Variants in DMRT3 observed in about 807,000 individuals in gnomAD.
DMRT3 encodes doublesex- and mab-3-related transcription factor 3.
A neutral mutation model predicts 34.9 loss-of-function variants in DMRT3; 29 were observed. The observed-to-expected ratio is 0.83, with a 90% CI of 0.62 to 1.13. The LOEUF (loss-of-function observed/expected upper bound fraction) is 1.13. Ranked by LOEUF, DMRT3 falls within the 50% of genes most tolerant of loss-of-function variation. DMRT3 has a pLI of 0.00. For missense variants in DMRT3, 772 were observed against 629.1 expected (o/e 1.23, Z -2.43); for synonymous variants, 350 against 286.0 (o/e 1.22, Z -2.26).
intron 1 of DMRT3, among the ~76,000 whole-genome samples, chr9:987,360 G>A (rs565256632): frequency 2.1e-4 from 32 of 151,768 alleles, no homozygotes; most frequent in African/African-American, 7.5e-4. Context: ...GTTCATCCAT[G>A]TTATAGCATG....
At position 990,251 on chromosome 9, in the gene DMRT3, A is replaced by C. The variant is rs1480874545; in HGVS notation, c.665A>C (p.Lys222Thr). Residue 222 changes from lysine to threonine, a missense_variant, in exon 2 of 2, where the codon AAG becomes ACG. Coordinates refer to ENST00000190165, the MANE Select transcript of DMRT3 (RefSeq NM_021240.4). ...GNPESRPDSP[K>T]CHAEQNHLLI... ...CCCGAGAGCCGCCCTGACAGCCCCAAGTGTCACGCGGAGCAGAATCACCTC... is the reference window on the plus strand; with the variant it reads ...CCCGAGAGCCGCCCTGACAGCCCCACGTGTCACGCGGAGCAGAATCACCTC... 1.2e-6 allele frequency: 2 copies of C among 1,613,940 alleles called. No homozygotes were observed. The highest frequency in any genetic ancestry group is 1.7e-5 in the Admixed American group (1 of 60,010).
intron 1 of DMRT3, among the ~76,000 whole-genome samples, chr9:983,063 C>A (rs565981454): frequency 6.6e-6 from 1 of 152,190 alleles, no homozygotes; most frequent in African/African-American, 2.4e-5. Flanking sequence ...GTGAGTCATC[C>A]TCTTGCCTGA....
intron 1 of DMRT3, among the ~76,000 whole-genome samples, chr9:980,552 C>CTA (rs1186628448): frequency 6.6e-6 from 1 of 151,728 alleles, no homozygotes; most frequent in Non-Finnish European, 1.5e-5. Context: ...CTATTAAAAG[C>CTA]TATATATATA....
chr9:976,903 C>T lies in DMRT3; in HGVS notation c.-99C>T. 7.7e-7 allele frequency: 1 copy of T among 1,299,238 alleles called. No homozygotes were observed. Among genetic ancestry groups the T allele is most frequent in the Non-Finnish European group, 9.9e-7 (1 of 1,009,152 alleles). The allele number at this position is 1,299,238 out of a possible 1,614,324, so 80.5% of individuals were successfully genotyped here. ...GGCTGCGGGACCAAGGGCCGCGTCG[C>T]CCGGAGGCCGCCCCTGAGCGGGCCT... On this transcript the variant is annotated 5_prime_UTR_variant, in exon 1 of 2. Coordinates refer to ENST00000190165, the MANE Select transcript of DMRT3 (RefSeq NM_021240.4). This position sits in a 1 kb window ranked among gnomAD's most constrained non-coding sequence, Gnocchi z 4.5.
chr9:987,359 T>C (rs1246417758), intron 1 of DMRT3, among the ~76,000 whole-genome samples: 7 of 152,170 alleles, frequency 4.6e-5, no homozygotes, highest in Non-Finnish European at 8.8e-5. Context: ...GGTTCATCCA[T>C]GTTATAGCAT....
At position 977,190 on chromosome 9, in the gene DMRT3, G is replaced by A. The variant is rs754119843; in HGVS notation, c.189G>A (p.Glu63=). 2.5e-6 allele frequency: 4 copies of A among 1,610,002 alleles called. No individual in the cohort carries two copies. Among genetic ancestry groups the A allele is most frequent in the East Asian group, 2.2e-5 (1 of 44,754 alleles). Residue 63 remains glutamate (E), a synonymous_variant, in exon 1 of 2, where the codon GAG becomes GAA. Coordinates refer to ENST00000190165, the MANE Select transcript of DMRT3 (RefSeq NM_021240.4). ...CTCEKCILII[E]RQRVMAAQVA... ...GCGAGAAGTGCATCCTCATCATCGAGCGGCAGCGGGTCATGGCTGCGCAGG... is the reference window on the plus strand; with the variant it reads ...GCGAGAAGTGCATCCTCATCATCGAACGGCAGCGGGTCATGGCTGCGCAGG...
chr9:981,304 A>T (rs1820217747), intron 1 of DMRT3, among the ~76,000 whole-genome samples: 1 of 151,828 alleles, frequency 6.6e-6, no homozygotes, highest in Non-Finnish European at 1.5e-5. Flanking sequence ...AAGCACCTGC[A>T]AGTGTAATGG....
rs2130051367 is a variant in DMRT3, at chr9:977,320, C to T, written c.319C>T (p.Pro107Ser). ...PPPPGDAVAA[P>S]QPPPASQPSQ... ...GCCGCCGGGGGACGCCGTCGCCGCC[C>T]CGCAGCCGCCGCCAGCCTCTCAGCC... is the stretch of plus-strand genomic sequence containing the variant. Residue 107 changes from proline to serine, a missense_variant, in exon 1 of 2, where the codon CCG becomes TCG. Physicochemically the swap from Pro to Ser is moderately conservative, Grantham distance 74. Coordinates refer to ENST00000190165, the MANE Select transcript of DMRT3 (RefSeq NM_021240.4). 2 of 1,308,598 alleles carry T rather than the reference C, an allele frequency of 1.5e-6. No individual in the cohort carries two copies. The highest frequency in any genetic ancestry group is 4.5e-5 in the South Asian group (2 of 44,658). 81.1% of individuals were successfully genotyped at this position (1,308,598 alleles called of 1,614,324 possible).
chr9:984,402 A>C (rs184594855), intron 1 of DMRT3, among the ~76,000 whole-genome samples: 3 of 151,914 alleles, frequency 2.0e-5, no homozygotes, highest in African/African-American at 4.8e-5. Flanking sequence ...GTTTTCGTAG[A>C]TATAATTGGA....
intron 1 of DMRT3, among the ~76,000 whole-genome samples, chr9:988,699 G>A (rs554651092): frequency 6.6e-6 from 1 of 152,240 alleles, no homozygotes; most frequent in Admixed American, 6.5e-5. Context: ...TATATAATCA[G>A]GTGTGCCCAC....
chr9:981,424 A>T (rs942230089), intron 1 of DMRT3, among the ~76,000 whole-genome samples: 1 of 152,222 alleles, frequency 6.6e-6, no homozygotes, highest in African/African-American at 2.4e-5. Context: ...GTACCTGTGA[A>T]TTGAAAAACA....
chr9:982,251 G>A (rs964326263), intron 1 of DMRT3, among the ~76,000 whole-genome samples: 1 of 152,174 alleles, frequency 6.6e-6, no homozygotes, highest in Non-Finnish European at 1.5e-5. Context: ...GAGCTGCCTG[G>A]GACTGGCGTC....
chr9:989,861 G>T, intron 1 of DMRT3, 180 bp from the exon 2 acceptor site: 1 of 693,218 alleles, frequency 1.4e-6, no homozygotes, highest in Non-Finnish European at 2.3e-6. Context: ...TTATTTACAG[G>T]GTTTTTGTTT....
At position 988,875 on chromosome 9, in the gene DMRT3, A is replaced by G. The variant is rs527367906; in HGVS notation, c.455-1166A>G. Among the ~76,000 whole-genome samples, 24 of 152,320 alleles carry G rather than the reference A, an allele frequency of 1.6e-4. 1 individual carries two copies. The highest frequency in any genetic ancestry group is 1.2e-3 in the South Asian group (6 of 4,824). ...GTGTTTCAAAAAAGGACAAAACTCT[A>G]TTTGCAAATAGCTTGCTACTAAAAA... On this transcript the variant is annotated intron_variant, in intron 1 of 1. Coordinates refer to ENST00000190165, the MANE Select transcript of DMRT3 (RefSeq NM_021240.4).
At position 977,038 on chromosome 9, in the gene DMRT3, G is replaced by A; in HGVS notation, c.37G>A (p.Gly13Ser). 1 of 1,562,976 alleles carries A rather than the reference G, an allele frequency of 6.4e-7. No individual in the cohort carries two copies. Among genetic ancestry groups the A allele is most frequent in the Non-Finnish European group, 8.6e-7 (1 of 1,156,440 alleles). The change falls in exon 1 of 2, where the codon GGC becomes AGC. Residue 13 changes from glycine to serine, a missense_variant. Physicochemically the swap from Gly to Ser is moderately conservative, Grantham distance 56 (BLOSUM62 0). Coordinates refer to ENST00000190165, the MANE Select transcript of DMRT3 (RefSeq NM_021240.4). ...CGGCTCCCCCTACCTGTACATGGGC[G>A]GCCCGGTGTCGCAGCCGCCACGGGC... is the stretch of plus-strand genomic sequence containing the variant. ...GYGSPYLYMG[G>S]PVSQPPRAPL...
Position 977,001 on chromosome 9 carries a change from C to A in DMRT3, c.-1C>A. 6.7e-7 allele frequency: 1 copy of A among 1,495,446 alleles called. No individual in the cohort carries two copies. The highest frequency in any genetic ancestry group is 1.3e-5 in the South Asian group (1 of 78,156). 92.6% of individuals were successfully genotyped at this position (1,495,446 alleles called of 1,614,324 possible). ...TGCCAACTCATTCGGGAGCCCGGGG[C>A]ATGAACGGCTACGGCTCCCCCTACC... On this transcript the variant is annotated 5_prime_UTR_variant, in exon 1 of 2. Coordinates refer to ENST00000190165, the MANE Select transcript of DMRT3 (RefSeq NM_021240.4).
rs1329318983 is a variant in DMRT3, at chr9:990,525, C to T, written c.939C>T (p.Ile313=). Reference sequence around the variant, plus strand: ...TAGCGTTGCCCTCCAATGGGCACATCTTTGAACACACCTTGAGCTCCTACC... The same window carrying T: ...TAGCGTTGCCCTCCAATGGGCACATTTTTGAACACACCTTGAGCTCCTACC... ...ESLALPSNGH[I]FEHTLSSYPI... is the part of the protein sequence containing the mutation. The change falls in exon 2 of 2, where the codon ATC becomes ATT. Residue 313 remains isoleucine (I), a synonymous_variant. Coordinates refer to ENST00000190165, the MANE Select transcript of DMRT3 (RefSeq NM_021240.4). The T allele has an allele frequency of 2.5e-6, 4 of 1,613,992 alleles. No individual in the cohort carries two copies. The highest frequency in any genetic ancestry group is 3.4e-6 in the Non-Finnish European group (4 of 1,180,028).
At position 991,644 on chromosome 9, in the gene DMRT3, A is replaced by G. The variant is rs1442298717; in HGVS notation, c.*639A>G. ...CAATCACAGCTGTGAACTGCATGAAATGTATTGTGAAACGAACACAAGATT... is the reference window on the plus strand; with the variant it reads ...CAATCACAGCTGTGAACTGCATGAAGTGTATTGTGAAACGAACACAAGATT... On this transcript the variant is annotated 3_prime_UTR_variant, in exon 2 of 2. Coordinates refer to ENST00000190165, the MANE Select transcript of DMRT3 (RefSeq NM_021240.4). The G allele has an allele frequency of 2.6e-5, 4 of 152,696 alleles. No homozygotes were observed. Among genetic ancestry groups the G allele is most frequent in the Admixed American group, 2.6e-4 (4 of 15,290 alleles). The allele number at this position is 152,696 out of a possible 1,614,324, so 9.5% of individuals were successfully genotyped here.
chr9:983,908 G>GTTT lies in DMRT3; in HGVS notation c.455-6119_455-6117dup, dbSNP rs33987544. On this transcript the variant is annotated intron_variant, in intron 1 of 1. Coordinates refer to ENST00000190165, the MANE Select transcript of DMRT3 (RefSeq NM_021240.4). ...TTTTTTAAAAAGTAAAGCATGGCTA[G>GTTT]TTTTTTTTTTTTTTTTAACTTTTCA... 8.6e-3 allele frequency among the ~76,000 whole-genome samples: 1,219 copies of GTTT among 141,378 alleles called. 12 individuals carry two copies. The highest frequency in any genetic ancestry group is 0.01 in the Non-Finnish European group (662 of 64,378). The allele number at this position is 141,378 out of a possible 152,430, so 92.7% of individuals were successfully genotyped here. A position where few individuals can be genotyped will look rare whatever the true frequency, so the allele number is the denominator to read the frequency against.
Sources: allele counts gnomAD v4.1 joint callset (sites outside exome capture counted in the v4.1 genomes callset), GRCh38; gene constraint gnomAD v4.1.1; non-coding constraint Gnocchi (gnomAD v3.1); transcripts MANE v1.5; gene names NCBI Gene and HGNC (gene_info 2026-07-23, HGNC 2026-07-21).